Variants in IL16 observed in about 807,000 individuals in gnomAD.
IL16 encodes pro-interleukin-16.
Under a neutral mutation model 110.1 loss-of-function variants are expected in IL16, and 67 were observed. That is an observed-to-expected ratio of 0.61 (90% CI 0.50 to 0.75). IL16 has a LOEUF of 0.75. Ranked by LOEUF, IL16 falls within the 30% of genes least tolerant of loss-of-function variation. The pLI, the probability that IL16 is intolerant of heterozygous loss-of-function variation, is 0.00. For synonymous variants in IL16, 689 were observed against 662.9 expected, an observed-to-expected ratio of 1.04 and a Z score of -0.61; for missense variants, 1,545 against 1,655.0, an observed-to-expected ratio of 0.93 and a Z score of 1.15.
chr15:81,298,729 G>T (rs1261332302), intron 13 of IL16, among the ~76,000 whole-genome samples: 1 of 152,214 alleles, frequency 6.6e-6, no homozygotes, highest in East Asian at 1.9e-4. Flanking sequence ...AGAGCAAGCT[G>T]ATCAATGACC....
chr15:81,266,562 A>G (rs1898391920), intron 4 of IL16, among the ~76,000 whole-genome samples: 1 of 152,196 alleles, frequency 6.6e-6, no homozygotes. Context: ...AGCCCCAGCC[A>G]AAGCACGCTG....
chr15:81,266,938 T>G (rs1898408472), intron 4 of IL16, among the ~76,000 whole-genome samples: 2 of 152,218 alleles, frequency 1.3e-5, no homozygotes, highest in South Asian at 4.1e-4. Context: ...CTTCCTTTCC[T>G]TGAGTCAATG....
At chr15:81,188,271 T>A in intron 1 of IL16, 1 of 453,904 alleles carries the variant, frequency 2.2e-6, no homozygotes, top group South Asian at 1.6e-5. Context: ...ATCGCTATGT[T>A]GTTATGAGGT....
chr15:81,245,911 A>G (rs1237459099), intron 2 of IL16, among the ~76,000 whole-genome samples: 3 of 151,792 alleles, frequency 2.0e-5, no homozygotes, highest in Non-Finnish European at 2.9e-5. Flanking sequence ...GTTTAACATC[A>G]AATATCTAGA....
chr15:81,225,570 C>T lies in IL16; in HGVS notation c.171C>T (p.Phe57=), dbSNP rs1386441039. The T allele has an allele frequency of 6.2e-7, 1 of 1,614,096 alleles. No individual in the cohort carries two copies. The highest frequency in any genetic ancestry group is 2.2e-5 in the East Asian group (1 of 44,878). ...TGGCCCAGGGCAAGGAGGGAATTTT[C>T]CACTCATCTGTGCAGCTGGCAGACA... is the stretch of plus-strand genomic sequence containing the variant. ...ISLAQGKEGI[F]HSSVQLADTS... The change falls in exon 2 of 19, where the codon TTC becomes TTT. Residue 57 remains phenylalanine (F), a synonymous_variant. Coordinates refer to ENST00000683961, the MANE Select transcript of IL16 (RefSeq NM_172217.5).
At chr15:81,222,859 TTAA>T (rs1484320760) in intron 1 of IL16, among the ~76,000 whole-genome samples, 1 of 152,004 alleles carries the variant, frequency 6.6e-6, no homozygotes, top group African/African-American at 2.4e-5. Context: ...TTTGGACATA[TTAA>T]TATTTATAGC....
chr15:81,287,381 G>GGGCT (rs1383513553), intron 10 of IL16, among the ~76,000 whole-genome samples: 2 of 152,208 alleles, frequency 1.3e-5, no homozygotes, highest in East Asian at 3.8e-4. Context: ...GTTAGACTTA[G>GGGCT]GGCTGATAGC....
intron 13 of IL16, 145 bp downstream of exon 13, chr15:81,297,223 CAGGTGCTGGGCAGCAGCACCGTGG>C: frequency 1.3e-6 from 1 of 799,868 alleles, no homozygotes; most frequent in South Asian, 1.9e-5. Context: ...TCAAGGGTTC[CAGGTGCTGGGCAGCAGCACCGTGG>C]AGGTGCTGTC....
intron 2 of IL16, among the ~76,000 whole-genome samples, chr15:81,247,987 A>G (rs1897627767): frequency 6.6e-6 from 1 of 152,192 alleles, no homozygotes; most frequent in Non-Finnish European, 1.5e-5. Flanking sequence ...TATTAACCTT[A>G]CTGCTTTTTG....
Position 81,225,294 on chromosome 15 carries a change from T to C in IL16, c.-101-5T>C, listed in dbSNP as rs964409785. The C allele has an allele frequency of 2.0e-6, 3 of 1,522,374 alleles. No individual in the cohort carries two copies. Among genetic ancestry groups the C allele is most frequent in the Non-Finnish European group, 1.8e-6 (2 of 1,139,110 alleles). 94.3% of individuals were successfully genotyped at this position (1,522,374 alleles called of 1,614,324 possible). A position where few individuals can be genotyped will look rare whatever the true frequency, so the allele number is the denominator to read the frequency against. On this transcript the variant is annotated splice_region_variant and splice_polypyrimidine_tract_variant and intron_variant, in intron 1 of 18. Coordinates refer to ENST00000683961, the MANE Select transcript of IL16 (RefSeq NM_172217.5). ...TTGCTTCTTCCCATTTCCTCTTTCC[T>C]CTAGGGACTCATGAAGTGGCAGCTA... is the stretch of plus-strand genomic sequence containing the variant.
At chr15:81,281,530 G>A (rs150941640) in intron 8 of IL16, among the ~76,000 whole-genome samples, 76 of 152,298 alleles carry the variant, frequency 5.0e-4, no homozygotes, top group South Asian at 4.4e-3. Flanking sequence ...TGCTCTACAC[G>A]TCGCTGGGAT....
chr15:81,282,574 C>G, intron 8 of IL16, 65 bp from the exon 9 acceptor site: 1 of 1,195,438 alleles, frequency 8.4e-7, no homozygotes, highest in South Asian at 1.2e-5. Flanking sequence ...GGCACCCAAT[C>G]GACGAGTAGG....
intron 18 of IL16, among the ~76,000 whole-genome samples, chr15:81,307,154 T>G (rs1367601113): frequency 1.3e-5 from 2 of 152,192 alleles, no homozygotes; most frequent in Non-Finnish European, 2.9e-5. Context: ...GTGGCTACCA[T>G]GTAAAACCAT....
Position 81,308,619 on chromosome 15 carries a change from CAA to C in IL16, c.3822_3823del (p.Ser1275Ter), listed in dbSNP as rs1276938455. 1 of 1,606,906 alleles carries C rather than the reference CAA, an allele frequency of 6.2e-7. No individual in the cohort carries two copies. Among genetic ancestry groups the C allele is most frequent in the Admixed American group, 1.7e-5 (1 of 58,426 alleles). The part of the protein sequence containing the change: ...NRIFKGAASE[Q>X]SETVQPGDEI... ...CCTCATTTCAGGAGCAGCCTCAGAA[CAA>C]AGTGAGACAGTCCAGCCTGGAGATG... On this transcript the variant is annotated frameshift_variant, in exon 19 of 19. Coordinates refer to ENST00000683961, the MANE Select transcript of IL16 (RefSeq NM_172217.5). LOFTEE classifies it low-confidence loss of function (END_TRUNC).
chr15:81,243,037 C>T (rs916774948), intron 2 of IL16, among the ~76,000 whole-genome samples: 1 of 149,412 alleles, frequency 6.7e-6, no homozygotes, highest in African/African-American at 2.5e-5. Flanking sequence ...AATATTGAGC[C>T]ATCCTTGCAT....
At chr15:81,255,792 C>T (rs1730363970) in intron 2 of IL16, among the ~76,000 whole-genome samples, 1 of 152,172 alleles carries the variant, frequency 6.6e-6, no homozygotes, top group African/African-American at 2.4e-5. Flanking sequence ...GGGAGAGGCT[C>T]CACTTCCTAT....
rs1234691289 is a variant in IL16, at chr15:81,313,656, CAAA to C, written c.*4861_*4863del. 1 of 306,170 alleles carries C rather than the reference CAAA, an allele frequency of 3.3e-6. No individual in the cohort carries two copies. Among genetic ancestry groups the C allele is most frequent in the African/African-American group, 2.2e-5 (1 of 46,470 alleles). The allele number at this position is 306,170 out of a possible 1,614,324, so 19.0% of individuals were successfully genotyped here. A position where few individuals can be genotyped will look rare whatever the true frequency, so the allele number is the denominator to read the frequency against. On this transcript the variant is annotated 3_prime_UTR_variant, in exon 19 of 19. Coordinates refer to ENST00000683961, the MANE Select transcript of IL16 (RefSeq NM_172217.5). The stretch of plus-strand genomic sequence containing the variant: ...GAGGAAGAAGTCCCTACTCCCAGCC[CAAA>C]AACCCAGTACCCTGCTGCCCGATTC...
intron 8 of IL16, 64 bp from the exon 9 acceptor site, chr15:81,282,575 G>A (rs533073532): frequency 6.6e-6 from 8 of 1,205,832 alleles, no homozygotes; most frequent in East Asian, 4.7e-5. Flanking sequence ...GCACCCAATC[G>A]ACGAGTAGGC....
chr15:81,297,090 T>C lies in IL16; in HGVS notation c.2053+12T>C, dbSNP rs768843312. 8 of 1,600,780 alleles carry C rather than the reference T, an allele frequency of 5.0e-6. No individual in the cohort carries two copies. Among genetic ancestry groups the C allele is most frequent in the Admixed American group, 3.5e-5 (2 of 56,586 alleles). On this transcript the variant is annotated intron_variant, in intron 13 of 18. Coordinates refer to ENST00000683961, the MANE Select transcript of IL16 (RefSeq NM_172217.5). ...AAGAGCCAGCCCAGGTAAGCTTTCA[T>C]TGAGATCTTCCAAAAGGAAGGGTCT...
Sources: gnomAD v4.1 joint callset for allele counts (sites outside exome capture counted in the v4.1 genomes callset) on GRCh38, gnomAD v4.1.1 for gene constraint, MANE v1.5 for transcripts, NCBI Gene and HGNC (gene_info 2026-07-23, HGNC 2026-07-21) for gene names.